CASZ1: variants seen among roughly 807,000 people sequenced by gnomAD.
CASZ1 encodes the protein zinc finger protein castor homolog 1.
A neutral mutation model predicts 135.2 loss-of-function variants in CASZ1; 28 were observed. The observed-to-expected ratio is 0.21, with a 90% CI of 0.15 to 0.28. The LOEUF (loss-of-function observed/expected upper bound fraction) is 0.28, where lower values mean the gene tolerates loss of function less well. Among genes scored for constraint, CASZ1 ranks in the 10% least tolerant of loss-of-function variants. CASZ1 has a pLI of 1.00. For synonymous variants in CASZ1, 1,068 were observed against 1,073.4 expected (o/e 0.99, Z 0.10); for missense variants, 2,161 against 2,453.3 (o/e 0.88, Z 2.52).
intron 2 of CASZ1, among the ~76,000 whole-genome samples, chr1:10,744,364 T>C (rs564571256): frequency 4.7e-5 from 7 of 149,924 alleles, no homozygotes; most frequent in Non-Finnish European, 8.9e-5. Flanking sequence ...AGCAGGCATG[T>C]CCTGGGCACC....
At chr1:10,770,424 A>G (rs1640554154) in intron 1 of CASZ1, among the ~76,000 whole-genome samples, 1 of 152,194 alleles carries the variant, frequency 6.6e-6, no homozygotes, top group Non-Finnish European at 1.5e-5. Flanking sequence ...TTTTCAATGC[A>G]CATGAGCATA....
At chr1:10,760,206 A>G (rs1483122087) in intron 2 of CASZ1, among the ~76,000 whole-genome samples, 36 of 152,108 alleles carry the variant, frequency 2.4e-4, no homozygotes, top group Non-Finnish European at 1.5e-4. Context: ...GCCAGCTCCT[A>G]CCACATATGA....
rs916030353 is a variant in CASZ1, at chr1:10,757,464, T to G, written c.-77+3237A>C. On this transcript the variant is annotated intron_variant, in intron 2 of 20. Transcript: ENST00000377022. The surrounding 1 kb of genome is among the most constrained non-coding windows in gnomAD (Gnocchi z 4.6). ...CAGCTGCCCCTCTGGCCTCCCAATT[T>G]CTTCCCTTGGCAGCCCCAACTACCT... 6.6e-6 allele frequency among the ~76,000 whole-genome samples: 1 copy of G among 152,140 alleles called. No individual in the cohort carries two copies. The highest frequency in any genetic ancestry group is 2.4e-5 in the African/African-American group (1 of 41,426).
In CASZ1 at chr1:10,709,399, A is replaced by G. The variant is rs565093520; in HGVS notation, c.-76-3855T>C. On this transcript the variant is annotated intron_variant, in intron 2 of 20. Coordinates refer to ENST00000377022, the MANE Select transcript of CASZ1 (RefSeq NM_001079843.3). The surrounding 1 kb of genome is among the most constrained non-coding windows in gnomAD (Gnocchi z 5.1). ...CCGGCAGTGTGAGGAGGGGGGCGGC[A>G]TAGACAACAGGGGCAGCGTCATGGA... 1.5e-3 allele frequency among the ~76,000 whole-genome samples: 224 copies of G among 152,270 alleles called. No homozygotes were observed. The highest frequency in any genetic ancestry group is 6.8e-3 in the Middle Eastern group (2 of 294).
At chr1:10,642,802 G>T (rs1271690066) in intron 20 of CASZ1, 57 bp downstream of exon 20, 4 of 1,586,768 alleles carry the variant, frequency 2.5e-6, no homozygotes, top group Non-Finnish European at 3.4e-6. Flanking sequence ...GCACCCAGCG[G>T]TGCTGGGCTT....
In CASZ1 at chr1:10,694,236, G is replaced by T; in HGVS notation, c.-23-324C>A. The T allele has an allele frequency of 1.4e-6, 1 of 719,928 alleles. No individual in the cohort carries two copies. Among genetic ancestry groups the T allele is most frequent in the Non-Finnish European group, 1.7e-6 (1 of 600,816 alleles). 44.6% of individuals were successfully genotyped at this position (719,928 alleles called of 1,614,324 possible). A position where few individuals can be genotyped will look rare whatever the true frequency, so the allele number is the denominator to read the frequency against. ...CCCCGTCCCGCCGACCGCGCCCCGCGCCCGGGTCGCCGCCCGAGACCGCGG... is the reference window on the plus strand; with the variant it reads ...CCCCGTCCCGCCGACCGCGCCCCGCTCCCGGGTCGCCGCCCGAGACCGCGG... On this transcript the variant is annotated intron_variant, in intron 3 of 20. Transcript: ENST00000377022. The surrounding 1 kb of genome is among the most constrained non-coding windows in gnomAD (Gnocchi z 6.6).
In CASZ1 at chr1:10,665,066, G is replaced by C; in HGVS notation, c.505+17C>G. 6.7e-7 allele frequency: 1 copy of C among 1,494,428 alleles called. No homozygotes were observed. The highest frequency in any genetic ancestry group is 8.9e-7 in the Non-Finnish European group (1 of 1,123,042). The allele number at this position is 1,494,428 out of a possible 1,614,324, so 92.6% of individuals were successfully genotyped here. On this transcript the variant is annotated intron_variant, in intron 5 of 20. Transcript: ENST00000377022. ...CTGTCCTGGCCTTCAGCCTCCCTTCGAAGGCCAGGCACCCACCTGAAGCCT... is the reference window on the plus strand; with the variant it reads ...CTGTCCTGGCCTTCAGCCTCCCTTCCAAGGCCAGGCACCCACCTGAAGCCT...
chr1:10,779,673 G>A (rs1445539247), intron 1 of CASZ1, among the ~76,000 whole-genome samples: 2 of 152,296 alleles, frequency 1.3e-5, no homozygotes, highest in East Asian at 3.9e-4. Context: ...GAAGCATTTG[G>A]ATTTTTATAT....
chr1:10,764,020 G>A (rs1240421835), intron 1 of CASZ1, among the ~76,000 whole-genome samples: 2 of 152,142 alleles, frequency 1.3e-5, no homozygotes, highest in Admixed American at 6.6e-5. Context: ...GTGCCACCAC[G>A]CCTGGCTAAT....
intron 11 of CASZ1, 124 bp from the exon 12 acceptor site, chr1:10,651,200 T>G: frequency 1.4e-6 from 1 of 694,330 alleles, no homozygotes; most frequent in Non-Finnish European, 2.1e-6. Flanking sequence ...GGTCAGCGCT[T>G]CTCCCGCTGA....
In CASZ1 at chr1:10,694,605, G is replaced by GCCCCCGCCGCCGCCGCCGCCGCCGCCC. The variant is rs1277745484; in HGVS notation, c.-23-694_-23-693insGGGCGGCGGCGGCGGCGGCGGCGGGGG. On this transcript the variant is annotated intron_variant, in intron 3 of 20. Coordinates refer to ENST00000377022, the MANE Select transcript of CASZ1 (RefSeq NM_001079843.3). The surrounding 1 kb of genome is among the most constrained non-coding windows in gnomAD (Gnocchi z 6.6). Reference sequence around the variant, plus strand: ...CGGCCCCGCCGCCGCCGCCGCCGCCGCCGCCGCCGCCGCCGCCCGGTGCGC... The same window carrying GCCCCCGCCGCCGCCGCCGCCGCCGCCC: ...CGGCCCCGCCGCCGCCGCCGCCGCCGCCCCCGCCGCCGCCGCCGCCGCCGCCCCCGCCGCCGCCGCCGCCCGGTGCGC... 7.1e-6 allele frequency: 1 copy of GCCCCCGCCGCCGCCGCCGCCGCCGCCC among 141,656 alleles called. No homozygotes were observed. The highest frequency in any genetic ancestry group is 2.7e-5 in the African/African-American group (1 of 37,576). The allele number at this position is 141,656 out of a possible 1,614,324, so 8.8% of individuals were successfully genotyped here.
At chr1:10,786,919 G>A (rs1018750890) in intron 1 of CASZ1, among the ~76,000 whole-genome samples, 4 of 151,768 alleles carry the variant, frequency 2.6e-5, no homozygotes, top group South Asian at 4.2e-4. Context: ...AGCACCACCC[G>A]CGACACCCAG....
chr1:10,697,906 G>GC lies in CASZ1; in HGVS notation c.-23-3995dup, dbSNP rs1407446546. Among the ~76,000 whole-genome samples, 1 of 152,254 alleles carries GC rather than the reference G, an allele frequency of 6.6e-6. No individual in the cohort carries two copies. The highest frequency in any genetic ancestry group is 1.5e-5 in the Non-Finnish European group (1 of 68,042). On this transcript the variant is annotated intron_variant, in intron 3 of 20. Coordinates refer to ENST00000377022, the MANE Select transcript of CASZ1 (RefSeq NM_001079843.3). The surrounding 1 kb of genome is among the most constrained non-coding windows in gnomAD (Gnocchi z 4.7). ...TGTTTGCGTGTGAGCCCGCTCCGGG[G>GC]CCGATGGAGGGAGGGTGTCGGGAAA...
In CASZ1 at chr1:10,777,256, GT is replaced by G. The variant is rs1369397255; in HGVS notation, c.-233-16400del. 1.3e-5 allele frequency among the ~76,000 whole-genome samples: 2 copies of G among 152,176 alleles called. No individual in the cohort carries two copies. The highest frequency in any genetic ancestry group is 4.8e-5 in the African/African-American group (2 of 41,432). ...GCCTCGGAAGCTCAGCTGGGAATCT[GT>G]TCCTGAGGACAGGACAAGGACCGCA... is the stretch of plus-strand genomic sequence containing the variant. On this transcript the variant is annotated intron_variant, in intron 1 of 20. Transcript: ENST00000377022. The surrounding 1 kb of genome is among the most constrained non-coding windows in gnomAD (Gnocchi z 4.4).
At chr1:10,793,410 C>T (rs1200117882) in intron 1 of CASZ1, among the ~76,000 whole-genome samples, 2 of 152,042 alleles carry the variant, frequency 1.3e-5, no homozygotes. Flanking sequence ...TGCGCCGAGA[C>T]TCAGAGCAAG....
rs1398944534 is a variant in CASZ1, at chr1:10,694,828, G to A, written c.-23-916C>T. Among the ~76,000 whole-genome samples, 1 of 145,038 alleles carries A rather than the reference G, an allele frequency of 6.9e-6. No individual in the cohort carries two copies. Among genetic ancestry groups the A allele is most frequent in the East Asian group, 2.0e-4 (1 of 4,940 alleles). On this transcript the variant is annotated intron_variant, in intron 3 of 20. Coordinates refer to ENST00000377022, the MANE Select transcript of CASZ1 (RefSeq NM_001079843.3). This position sits in a 1 kb window ranked among gnomAD's most constrained non-coding sequence, Gnocchi z 6.6. The stretch of plus-strand genomic sequence containing the variant: ...CAGGGCTGGCGGGAGGGGACCCGGC[G>A]CGGGGCGGGGAACGCGGCCCGAGTA...
At chr1:10,766,834 C>T (rs533597464) in intron 1 of CASZ1, among the ~76,000 whole-genome samples, 4 of 152,270 alleles carry the variant, frequency 2.6e-5, no homozygotes, top group Admixed American at 2.6e-4. Context: ...TCTCAACTGG[C>T]GAGTGGAGGG....
chr1:10,783,246 A>AGTGTGTGT (rs70997266), intron 1 of CASZ1, among the ~76,000 whole-genome samples: 40 of 148,148 alleles, frequency 2.7e-4, no homozygotes, highest in African/African-American at 8.5e-4. Context: ...CCAGTGGAGA[A>AGTGTGTGT]GTGTGTGTGT....
Position 10,646,726 on chromosome 1 carries a change from G to A in CASZ1, c.3498-400C>T, listed in dbSNP as rs1011612446. Among the ~76,000 whole-genome samples, 12 of 152,250 alleles carry A rather than the reference G, an allele frequency of 7.9e-5. No homozygotes were observed. The highest frequency in any genetic ancestry group is 6.5e-5 in the Admixed American group (1 of 15,292). ...TGGCTGGCGTGGCATGGGCGCCACC[G>A]TGGATGTGGCTGACAGACTGCAGAT... is the stretch of plus-strand genomic sequence containing the variant. On this transcript the variant is annotated intron_variant, in intron 16 of 20. Coordinates refer to ENST00000377022, the MANE Select transcript of CASZ1 (RefSeq NM_001079843.3). The surrounding 1 kb of genome is among the most constrained non-coding windows in gnomAD (Gnocchi z 6.4).
Sources: gnomAD v4.1 joint callset for allele counts (sites outside exome capture counted in the v4.1 genomes callset) on GRCh38, gnomAD v4.1.1 for gene constraint, Gnocchi (gnomAD v3.1) non-coding constraint, MANE v1.5 for transcripts, NCBI Gene and HGNC (gene_info 2026-07-23, HGNC 2026-07-21) for gene names.